Variants in ARL13B observed in about 807,000 individuals in gnomAD.
ARL13B encodes ADP-ribosylation factor-like protein 13B.
In ARL13B, 36 loss-of-function variants were observed where a neutral mutation model predicts 56.1. The ratio of observed to expected loss-of-function variants is 0.64; its 90% CI spans 0.49 to 0.85. The LOEUF is 0.85. Ranked by LOEUF, ARL13B falls within the 40% of genes least tolerant of loss-of-function variation. ARL13B has a pLI of 0.00. For missense variants in ARL13B, 519 were observed against 507.1 expected (o/e 1.02, Z -0.23); for synonymous variants, 178 against 171.1 (o/e 1.04, Z -0.32).
At chr3:93,999,963 A>G (rs756785758) in intron 2 of ARL13B, among the ~76,000 whole-genome samples, 11 of 152,304 alleles carry the variant, frequency 7.2e-5, no homozygotes, top group Admixed American at 1.3e-4. Context: ...TCCCTCACCT[A>G]CATGGTTGAA....
chr3:94,000,678 C>G (rs560536177), intron 2 of ARL13B, among the ~76,000 whole-genome samples: 2 of 151,948 alleles, frequency 1.3e-5, no homozygotes, highest in Admixed American at 6.6e-5. Flanking sequence ...ACTAAGAGCT[C>G]TATGGGATCA....
At chr3:93,988,680 C>T (rs1368496035) in intron 1 of ARL13B, 1 of 476,448 alleles carries the variant, frequency 2.1e-6, no homozygotes, top group Admixed American at 2.4e-5. Context: ...AGGTTGGAGT[C>T]TCCTCGGTTT....
At chr3:94,023,362 C>CT (rs2076489370) in intron 3 of ARL13B, among the ~76,000 whole-genome samples, 1 of 151,758 alleles carries the variant, frequency 6.6e-6, no homozygotes, top group South Asian at 2.1e-4. Flanking sequence ...AATTCTTGAC[C>CT]TTTTTTTCAT....
intron 3 of ARL13B, among the ~76,000 whole-genome samples, chr3:94,010,604 G>C (rs964226530): frequency 6.6e-6 from 1 of 151,768 alleles, no homozygotes; most frequent in African/African-American, 2.4e-5. Context: ...TGCCTATTAA[G>C]TGTGTATATA....
intron 3 of ARL13B, among the ~76,000 whole-genome samples, chr3:94,006,972 G>T (rs1276552108): frequency 6.6e-6 from 1 of 152,174 alleles, no homozygotes; most frequent in Non-Finnish European, 1.5e-5. Flanking sequence ...CTGTATTAGA[G>T]TCAGGTGGCA....
At chr3:94,020,110 C>T (rs2076416908) in intron 3 of ARL13B, among the ~76,000 whole-genome samples, 1 of 152,122 alleles carries the variant, frequency 6.6e-6, no homozygotes, top group Admixed American at 6.6e-5. Flanking sequence ...TCCATGAGAT[C>T]AAGGGTTTTT....
intron 1 of ARL13B, 136 bp downstream of exon 1, chr3:93,980,618 C>T (rs550050251): frequency 3.9e-4 from 422 of 1,089,490 alleles, no homozygotes; most frequent in Non-Finnish European, 4.1e-4. Context: ...CCAGGGTGTC[C>T]CGGGAGGGAG....
At chr3:94,027,559 G>A (rs1284321208) in intron 3 of ARL13B, among the ~76,000 whole-genome samples, 2 of 151,928 alleles carry the variant, frequency 1.3e-5, no homozygotes, top group Non-Finnish European at 2.9e-5. Flanking sequence ...TAATGTGTTC[G>A]AGGTATTACG....
At chr3:94,037,510 G>C (rs2076789839) in intron 5 of ARL13B, among the ~76,000 whole-genome samples, 1 of 152,090 alleles carries the variant, frequency 6.6e-6, no homozygotes, top group Admixed American at 6.5e-5. Context: ...CTATCCCCAA[G>C]TGCTCAATAA....
At chr3:94,044,918 C>T (rs1270755001) in intron 7 of ARL13B, among the ~76,000 whole-genome samples, 4 of 152,162 alleles carry the variant, frequency 2.6e-5, no homozygotes. Context: ...CCCGCCGCCG[C>T]ATCTGGGAGG....
chr3:94,046,992 G>A (rs1236993836), intron 7 of ARL13B, among the ~76,000 whole-genome samples: 8 of 151,910 alleles, frequency 5.3e-5, no homozygotes, highest in Non-Finnish European at 1.0e-4. Context: ...CTAGATATAC[G>A]TTAAGTTATG....
At chr3:94,017,724 G>T (rs1464075065) in intron 3 of ARL13B, among the ~76,000 whole-genome samples, 1 of 152,180 alleles carries the variant, frequency 6.6e-6, no homozygotes, top group Admixed American at 6.5e-5. Context: ...TCTCTAAGCA[G>T]ATATTTGAGA....
intron 1 of ARL13B, among the ~76,000 whole-genome samples, chr3:93,985,559 TC>T (rs1328368431): frequency 6.6e-6 from 1 of 152,230 alleles, no homozygotes; most frequent in East Asian, 1.9e-4. Flanking sequence ...TTATATAACT[TC>T]TTATATATTA....
chr3:94,003,647 C>T lies in ARL13B; in HGVS notation c.131-12C>T, dbSNP rs1187316352. The T allele has an allele frequency of 1.2e-6, 2 of 1,610,682 alleles. No homozygotes were observed. On this transcript the variant is annotated splice_polypyrimidine_tract_variant and intron_variant, in intron 2 of 9. Transcript: ENST00000394222. ...CTAAAGATTTTCTTTTTTTGTGTATCATTTGTAACAGAATACCCTGAAGAT... is the reference window on the plus strand; with the variant it reads ...CTAAAGATTTTCTTTTTTTGTGTATTATTTGTAACAGAATACCCTGAAGAT...
intron 3 of ARL13B, chr3:94,014,987 T>C (rs757995083): frequency 1.4e-5 from 22 of 1,614,068 alleles, no homozygotes; most frequent in Non-Finnish European, 1.9e-5. Flanking sequence ...ATCTCCTTTG[T>C]AATGGTAGAC....
Position 94,049,503 on chromosome 3 carries a change from A to AC in ARL13B, c.1127dup (p.Pro377ThrfsTer11). The AC allele has an allele frequency of 1.5e-6, 2 of 1,319,448 alleles. No individual in the cohort carries two copies. Among genetic ancestry groups the AC allele is most frequent in the Admixed American group, 1.8e-5 (1 of 55,736 alleles). 81.7% of individuals were successfully genotyped at this position (1,319,448 alleles called of 1,614,324 possible). A position where few individuals can be genotyped will look rare whatever the true frequency, so the allele number is the denominator to read the frequency against. On this transcript the variant is annotated frameshift_variant, in exon 8 of 10. Transcript: ENST00000394222. LOFTEE classifies it high-confidence loss of function. Reference sequence around the variant, plus strand: ...ACTGTGCTCCTGAGAGTCCAACGCCACCCCCACCCCCTCCTCCTGGTGAGT... The same window carrying AC: ...ACTGTGCTCCTGAGAGTCCAACGCCACCCCCCACCCCCTCCTCCTGGTGAGT...
At chr3:93,982,417 CTGTAAG>C (rs1710264639) in intron 1 of ARL13B, among the ~76,000 whole-genome samples, 1 of 152,140 alleles carries the variant, frequency 6.6e-6, no homozygotes. Context: ...AATTAAGATG[CTGTAAG>C]TGTATGTTTA....
chr3:94,039,452 A>G (rs776094492), intron 5 of ARL13B, among the ~76,000 whole-genome samples: 9 of 138,314 alleles, frequency 6.5e-5, no homozygotes, highest in Non-Finnish European at 1.2e-4. Flanking sequence ...GTGAGCCGAG[A>G]TGGTGCCAAT....
intron 3 of ARL13B, among the ~76,000 whole-genome samples, chr3:94,013,267 T>C (rs148450630): frequency 3.4e-4 from 52 of 152,334 alleles, no homozygotes; most frequent in African/African-American, 1.0e-3. Flanking sequence ...CTGTCTCATT[T>C]CATTGCCCTT....
Sources: gnomAD v4.1 joint callset for allele counts (sites outside exome capture counted in the v4.1 genomes callset) on GRCh38, gnomAD v4.1.1 for gene constraint, MANE v1.5 for transcripts, NCBI Gene and HGNC (gene_info 2026-07-23, HGNC 2026-07-21) for gene names.